The following EPC2 variants were observed in gnomAD, a reference collection of about 807,000 sequenced individuals.
EPC2 encodes enhancer of polycomb 2, also known as enhancer of polycomb homolog 2.
Under a neutral mutation model 92.1 loss-of-function variants are expected in EPC2, and 14 were observed. The observed-to-expected ratio is 0.15, with a 90% CI of 0.10 to 0.24. EPC2 has a LOEUF of 0.24. Among genes scored for constraint, EPC2 ranks in the 10% least tolerant of loss-of-function variants. The pLI is 1.00. For missense variants in EPC2, 755 were observed against 971.5 expected, an observed-to-expected ratio of 0.78 and a Z score of 2.96; for synonymous variants, 340 against 334.7, an observed-to-expected ratio of 1.02 and a Z score of -0.17.
At chr2:148,656,394 T>A (rs1158306652) in intron 1 of EPC2, among the ~76,000 whole-genome samples, 1 of 144,754 alleles carries the variant, frequency 6.9e-6, no homozygotes, top group Non-Finnish European at 1.5e-5. Flanking sequence ...AAAGTCAGAT[T>A]AATTATTAAA....
intron 10 of EPC2, among the ~76,000 whole-genome samples, chr2:148,775,702 A>G (rs149742397): frequency 7.0e-3 from 145 of 20,700 alleles, no homozygotes; most frequent in African/African-American, 0.028. Flanking sequence ...AAAATTAAAT[A>G]TCTTTATTAA....
chr2:148,660,927 C>A (rs897498621), intron 1 of EPC2, among the ~76,000 whole-genome samples: 2 of 151,378 alleles, frequency 1.3e-5, no homozygotes, highest in Non-Finnish European at 3.0e-5. Flanking sequence ...ATTGTTTTAT[C>A]TTTTCAAAGA....
intron 2 of EPC2, among the ~76,000 whole-genome samples, chr2:148,721,890 CT>C: frequency 3.6e-3 from 220 of 60,766 alleles, no homozygotes; most frequent in African/African-American, 0.012. Context: ...GTTTTGATTT[CT>C]TTTTTTTTTT....
chr2:148,676,203 TATA>T (rs1681258446), intron 1 of EPC2, among the ~76,000 whole-genome samples: 3 of 152,196 alleles, frequency 2.0e-5, no homozygotes, highest in Admixed American at 2.0e-4. Flanking sequence ...GTAGAAAGTG[TATA>T]ATGTCTTTAC....
intron 3 of EPC2, among the ~76,000 whole-genome samples, chr2:148,748,708 T>A (rs1038242277): frequency 6.6e-6 from 1 of 152,074 alleles, no homozygotes; most frequent in African/African-American, 2.4e-5. Flanking sequence ...TTACAATATT[T>A]TAAATAATTT....
intron 1 of EPC2, among the ~76,000 whole-genome samples, chr2:148,673,652 C>T (rs766093735): frequency 3.3e-5 from 5 of 152,120 alleles, no homozygotes; most frequent in Admixed American, 6.5e-5. Flanking sequence ...GGTGCGATCT[C>T]GGCTCACTGC....
At position 148,645,516 on chromosome 2, in the gene EPC2, C is replaced by T. The variant is rs570936248; in HGVS notation, c.153+346C>T. 1.2e-3 allele frequency: 309 copies of T among 256,026 alleles called. 2 individuals are homozygous for T. Among genetic ancestry groups the T allele is most frequent in the African/African-American group, 6.7e-3 (295 of 44,196 alleles). The allele number at this position is 256,026 out of a possible 1,614,324, so 15.9% of individuals were successfully genotyped here. A position where few individuals can be genotyped will look rare whatever the true frequency, so the allele number is the denominator to read the frequency against. ...CCTTTCCACCTCCCTCTCTCAGGCG[C>T]GGGGCTAATTAATGGCGTGGTATTA... On this transcript the variant is annotated intron_variant, in intron 1 of 13. Coordinates refer to ENST00000258484, the MANE Select transcript of EPC2 (RefSeq NM_015630.4).
intron 2 of EPC2, among the ~76,000 whole-genome samples, chr2:148,703,469 A>AT (rs1221087329): frequency 6.6e-6 from 1 of 152,138 alleles, no homozygotes; most frequent in African/African-American, 2.4e-5. Flanking sequence ...AGGAAACAAA[A>AT]AACGTTTCAG....
intron 10 of EPC2, among the ~76,000 whole-genome samples, chr2:148,774,681 A>G (rs963638858): frequency 3.3e-5 from 5 of 150,036 alleles, no homozygotes; most frequent in Non-Finnish European, 7.4e-5. Context: ...TTGAAGGAAA[A>G]TTGAAAAGTG....
At chr2:148,734,032 T>C (rs1403211867) in intron 2 of EPC2, among the ~76,000 whole-genome samples, 1 of 152,184 alleles carries the variant, frequency 6.6e-6, no homozygotes, top group Non-Finnish European at 1.5e-5. Context: ...AAAGAAATGA[T>C]TTGTGATATC....
At chr2:148,684,943 G>A (rs548272892) in intron 1 of EPC2, among the ~76,000 whole-genome samples, 5 of 152,196 alleles carry the variant, frequency 3.3e-5, no homozygotes, top group South Asian at 2.1e-4. Flanking sequence ...AGTATAAATC[G>A]TCTCATAAAA....
intron 4 of EPC2, among the ~76,000 whole-genome samples, chr2:148,756,814 C>T (rs957708952): frequency 3.4e-4 from 52 of 152,334 alleles, no homozygotes; most frequent in Non-Finnish European, 5.3e-4. Context: ...GTTCTAGCTG[C>T]TCTACATAAC....
chr2:148,689,549 C>T lies in EPC2; in HGVS notation c.154-665C>T, dbSNP rs545722156. Among the ~76,000 whole-genome samples the T allele has an allele frequency of 2.0e-5, 3 of 152,010 alleles. 1 individual carries two copies. The highest frequency in any genetic ancestry group is 4.2e-4 in the South Asian group (2 of 4,804). On this transcript the variant is annotated intron_variant, in intron 1 of 13. Coordinates refer to ENST00000258484, the MANE Select transcript of EPC2 (RefSeq NM_015630.4). ...CCTTTATGGGGTGGGTGGCATGACACGATTTACCTTCCAAAAGGTAAAACT... is the reference window on the plus strand; with the variant it reads ...CCTTTATGGGGTGGGTGGCATGACATGATTTACCTTCCAAAAGGTAAAACT...
chr2:148,648,779 G>T (rs963616709), intron 1 of EPC2, among the ~76,000 whole-genome samples: 1 of 152,168 alleles, frequency 6.6e-6, no homozygotes, highest in Non-Finnish European at 1.5e-5. Context: ...TTCTGACAAT[G>T]CCTGGATGAG....
intron 2 of EPC2, among the ~76,000 whole-genome samples, chr2:148,733,529 A>G (rs1352422527): frequency 9.8e-6 from 1 of 101,874 alleles, no homozygotes; most frequent in Non-Finnish European, 1.7e-5. Context: ...ACAGGGTCTC[A>G]CTCTGTCACC....
At chr2:148,688,683 T>C (rs543642647) in intron 1 of EPC2, among the ~76,000 whole-genome samples, 38 of 152,330 alleles carry the variant, frequency 2.5e-4, no homozygotes, top group Admixed American at 9.8e-4. Context: ...TCCTTATGCC[T>C]CAGTTTCTTT....
chr2:148,712,217 A>G (rs1389340075), intron 2 of EPC2, among the ~76,000 whole-genome samples: 1 of 151,896 alleles, frequency 6.6e-6, no homozygotes, highest in Non-Finnish European at 1.5e-5. Context: ...TTCTTAGCAT[A>G]TCTATCATAC....
chr2:148,714,099 C>G (rs1008346910), intron 2 of EPC2, among the ~76,000 whole-genome samples: 6 of 147,092 alleles, frequency 4.1e-5, no homozygotes, highest in African/African-American at 1.0e-4. Flanking sequence ...GTCGTTCCCC[C>G]CATCCCCATG....
At chr2:148,680,802 A>G (rs762182352) in intron 1 of EPC2, among the ~76,000 whole-genome samples, 8 of 152,246 alleles carry the variant, frequency 5.3e-5, no homozygotes, top group Non-Finnish European at 1.0e-4. Flanking sequence ...GTGAGAAGAT[A>G]TGTGTGAACT....
Sources: allele counts gnomAD v4.1 joint callset (sites outside exome capture counted in the v4.1 genomes callset), GRCh38; gene constraint gnomAD v4.1.1; transcripts MANE v1.5; gene names NCBI Gene and HGNC (gene_info 2026-07-23, HGNC 2026-07-21).